Variants in UGT1A6 observed in about 807,000 individuals in gnomAD.
UGT1A6 encodes UDP glucuronosyltransferase family 1 member A6, also known as UDP-glucuronosyltransferase 1A6.
In UGT1A6, 32 loss-of-function variants were observed where a neutral mutation model predicts 44.4. The observed-to-expected ratio is 0.72, with a 90% confidence interval of 0.54 to 0.97. The LOEUF (loss-of-function observed/expected upper bound fraction) is 0.97. Ranked by LOEUF, UGT1A6 falls within the 50% of genes least tolerant of loss-of-function variation. UGT1A6 has a pLI of 0.00. For synonymous variants in UGT1A6, 238 were observed against 248.5 expected, an observed-to-expected ratio of 0.96 and a Z score of 0.40; for missense variants, 685 against 661.9, an observed-to-expected ratio of 1.03 and a Z score of -0.38.
At chr2:233,719,027 C>T in intron 1 of UGT1A6, 1 of 1,614,228 alleles carries the variant, frequency 6.2e-7, no homozygotes, top group Non-Finnish European at 8.5e-7. Flanking sequence ...ATATGCACAT[C>T]AAAGAAGAGA....
rs1681915037 is a variant in UGT1A6 at position 233,713,066 on chromosome 2, G to C, written c.861+19201G>C. On this transcript the variant is annotated intron_variant, in intron 1 of 4. Coordinates refer to ENST00000305139, the MANE Select transcript of UGT1A6 (RefSeq NM_001072.4). ...TGCTTCTCCTCAGTGTCCAGCCCTG[G>C]GCTGAGAGTGGGAAGGTGCTGGTGG... The C allele has an allele frequency of 2.5e-6, 4 of 1,614,136 alleles. No homozygotes were observed. In the South Asian group the frequency reaches 4.4e-5, roughly 18 times the overall value.
chr2:233,757,099 G>A (rs1433024919), intron 1 of UGT1A6, among the ~76,000 whole-genome samples: 3 of 151,280 alleles, frequency 2.0e-5, no homozygotes, highest in Non-Finnish European at 4.4e-5. Flanking sequence ...GCAGAGGGAG[G>A]GGGCAAGCAG....
Position 233,768,222 on chromosome 2 carries a change from C to G in UGT1A6, c.1084C>G (p.His362Asp). 1 of 1,614,186 alleles carries G rather than the reference C, an allele frequency of 6.2e-7. No homozygotes were observed. Among genetic ancestry groups the G allele is most frequent in the Non-Finnish European group, 8.5e-7 (1 of 1,180,046 alleles). The change falls in exon 4 of 5, where the codon CAC becomes GAC. Residue 362 changes from histidine to aspartate, a missense_variant and splice_region_variant. His to Asp is a moderately conservative substitution (Grantham distance 81, BLOSUM62 -1). Coordinates refer to ENST00000305139, the MANE Select transcript of UGT1A6 (RefSeq NM_001072.4). ...ATCCTCCCTATTTTGCATCTCAGGT[C>G]ACCCGATGACCCGTGCCTTTATCAC... ...KWLPQNDLLG[H>D]PMTRAFITHA... is the part of the protein sequence containing the mutation.
intron 1 of UGT1A6, among the ~76,000 whole-genome samples, chr2:233,744,672 T>G (rs778668144): frequency 6.6e-6 from 1 of 151,884 alleles, no homozygotes; most frequent in Non-Finnish European, 1.5e-5. Context: ...ATATTACACA[T>G]CACCCATGTA....
At chr2:233,718,748 A>G in intron 1 of UGT1A6, 1 of 1,612,266 alleles carries the variant, frequency 6.2e-7, no homozygotes, top group South Asian at 1.1e-5. Context: ...TGACAAGGTA[A>G]TTAAGGCGAA....
At chr2:233,718,824 G>A in intron 1 of UGT1A6, 1 of 1,613,508 alleles carries the variant, frequency 6.2e-7, no homozygotes, top group Non-Finnish European at 8.5e-7. Flanking sequence ...TGCTGAGATG[G>A]CCAGAGGACT....
intron 1 of UGT1A6, among the ~76,000 whole-genome samples, chr2:233,704,262 T>A (rs1431021256): frequency 1.3e-5 from 2 of 151,410 alleles, no homozygotes; most frequent in African/African-American, 4.9e-5. Flanking sequence ...ATTGCTTTTT[T>A]TTTTTTTTTG....
At position 233,747,438 on chromosome 2, in the gene UGT1A6, A is replaced by G; in HGVS notation, c.862-19596A>G. The G allele has an allele frequency of 1.2e-6, 2 of 1,608,812 alleles. 1 individual carries two copies. On this transcript the variant is annotated intron_variant, in intron 1 of 4. Transcript: ENST00000305139. ...GCACATCAAACAAGAGAAATTTTTC[A>G]CCCTGACAACCTATGCCATTTCATG...
chr2:233,754,978 C>G, intron 1 of UGT1A6: 1 of 1,298,496 alleles, frequency 7.7e-7, no homozygotes, highest in Non-Finnish European at 1.0e-6. Context: ...CTGAAGACCT[C>G]GGCGGGGTCA....
At chr2:233,748,216 G>A in intron 1 of UGT1A6, 1 of 1,478,190 alleles carries the variant, frequency 6.8e-7, no homozygotes, top group South Asian at 1.3e-5. Flanking sequence ...CCTTCAGTGA[G>A]ATAAACTGTT....
intron 1 of UGT1A6, among the ~76,000 whole-genome samples, chr2:233,750,999 T>G (rs560264893): frequency 6.6e-6 from 1 of 151,774 alleles, no homozygotes; most frequent in Non-Finnish European, 1.5e-5. Flanking sequence ...GCCACCATCC[T>G]CCAGAATCCC....
chr2:233,749,470 C>T (rs7604115), intron 1 of UGT1A6, among the ~76,000 whole-genome samples: 55,875 of 151,612 alleles, frequency 0.37, 10,826 homozygotes, highest in African/African-American at 0.42. Context: ...GGAACTGTGG[C>T]ACAGATCACT....
intron 1 of UGT1A6, among the ~76,000 whole-genome samples, chr2:233,703,391 T>A (rs552100359): frequency 2.6e-5 from 4 of 152,158 alleles, no homozygotes; most frequent in Admixed American, 2.6e-4. Flanking sequence ...TATTTTCAAA[T>A]AAACAATTTT....
intron 1 of UGT1A6, among the ~76,000 whole-genome samples, chr2:233,736,004 C>T (rs1319353542): frequency 6.6e-6 from 1 of 152,188 alleles, no homozygotes; most frequent in Non-Finnish European, 1.5e-5. Context: ...TTGTTCTTCT[C>T]GAGGAGTATC....
intron 1 of UGT1A6, among the ~76,000 whole-genome samples, chr2:233,727,122 G>A (rs188097836): frequency 6.6e-6 from 1 of 152,290 alleles, no homozygotes; most frequent in Non-Finnish European, 1.5e-5. Context: ...TGTGAGATTG[G>A]CAGAGGGGAA....
chr2:233,736,427 G>A (rs986034532), intron 1 of UGT1A6, among the ~76,000 whole-genome samples: 6 of 152,022 alleles, frequency 3.9e-5, no homozygotes, highest in Admixed American at 3.3e-4. Flanking sequence ...TTTTTTCAAG[G>A]TTCAACCTTC....
intron 1 of UGT1A6, chr2:233,743,714 T>C (rs1337587224): frequency 1.5e-6 from 2 of 1,367,360 alleles, no homozygotes; most frequent in Admixed American, 1.9e-5. Context: ...CGCCTCGCCA[T>C]AGCGGTCATA....
chr2:233,768,820 G>A (rs1699735908), intron 4 of UGT1A6, among the ~76,000 whole-genome samples: 1 of 151,998 alleles, frequency 6.6e-6, no homozygotes, highest in Non-Finnish European at 1.5e-5. Flanking sequence ...CTGACTTCAG[G>A]TGATCCACCT....
In UGT1A6 at chr2:233,772,254, G is replaced by A. The variant is rs1700495336; in HGVS notation, c.1302-8G>A. 1 of 1,614,242 alleles carries A rather than the reference G, an allele frequency of 6.2e-7. No homozygotes were observed. The highest frequency in any genetic ancestry group is 8.5e-7 in the Non-Finnish European group (1 of 1,180,046). On this transcript the variant is annotated splice_polypyrimidine_tract_variant and splice_region_variant and intron_variant, in intron 4 of 4. Transcript: ENST00000305139. The stretch of plus-strand genomic sequence containing the variant: ...TTCCAGGCATAACGAAACTGTCTTT[G>A]TGTTTAGTTACAAGGAGAACATCAT...
Sources: gnomAD v4.1 joint callset for allele counts (sites outside exome capture counted in the v4.1 genomes callset) on GRCh38, gnomAD v4.1.1 for gene constraint, MANE v1.5 for transcripts, NCBI Gene and HGNC (gene_info 2026-07-23, HGNC 2026-07-21) for gene names.